Variants in UBAC2 observed in about 807,000 individuals in gnomAD.
UBAC2 encodes ubiquitin-associated domain-containing protein 2.
UBAC2 carries 26 observed loss-of-function variants against 44.0 expected under a neutral mutation model. The observed-to-expected ratio is 0.59, with a 90% CI of 0.43 to 0.82. UBAC2 has a LOEUF of 0.82. Among genes scored for constraint, UBAC2 ranks in the 40% least tolerant of loss-of-function variants. The probability of loss-of-function intolerance (pLI) is 0.00; values close to 1 mark genes in which losing one functional copy is unlikely to be tolerated. For missense variants in UBAC2, 329 were observed against 419.4 expected (o/e 0.78, Z 1.88); for synonymous variants, 155 against 154.3 (o/e 1.00, Z -0.04).
At chr13:99,340,998 T>G (rs577210888) in intron 7 of UBAC2, among the ~76,000 whole-genome samples, 111 of 150,066 alleles carry the variant, frequency 7.4e-4, no homozygotes, top group African/African-American at 2.6e-3. Flanking sequence ...CAAGAAGATT[T>G]TCAGTGGAAC....
chr13:99,228,368 A>G (rs1238946364), intron 1 of UBAC2, among the ~76,000 whole-genome samples: 1 of 151,020 alleles, frequency 6.6e-6, no homozygotes, highest in African/African-American at 2.4e-5. Flanking sequence ...GCTCACTGCA[A>G]CCTCCACCTC....
intron 6 of UBAC2, among the ~76,000 whole-genome samples, chr13:99,338,957 T>G (rs948262284): frequency 6.6e-6 from 1 of 152,216 alleles, no homozygotes; most frequent in Admixed American, 6.5e-5. Context: ...CCATAGAATA[T>G]TTGTGCACTC....
chr13:99,385,582 T>C lies in UBAC2; in HGVS notation c.*247T>C, dbSNP rs2045609807. ...TGGGCATTTTCCCTAGGTTGGAGAG[T>C]CAGCACTCGTTTTGAATGTGTTTAA... On this transcript the variant is annotated 3_prime_UTR_variant, in exon 9 of 9. Transcript: ENST00000403766. 6.2e-6 allele frequency: 3 copies of C among 481,960 alleles called. No homozygotes were observed. The allele number at this position is 481,960 out of a possible 1,614,324, so 29.9% of individuals were successfully genotyped here.
chr13:99,364,700 A>G (rs1426425221), intron 7 of UBAC2, among the ~76,000 whole-genome samples: 3 of 152,184 alleles, frequency 2.0e-5, no homozygotes, highest in African/African-American at 7.2e-5. Flanking sequence ...ATGCTATATA[A>G]TAATAGTCAT....
chr13:99,253,102 TATA>T (rs1256776246), intron 4 of UBAC2, among the ~76,000 whole-genome samples: 31 of 150,142 alleles, frequency 2.1e-4, no homozygotes, highest in Non-Finnish European at 3.3e-4. Context: ...TATATAAAGA[TATA>T]ATATCTATAA....
At chr13:99,233,037 G>T (rs967561593) in intron 1 of UBAC2, among the ~76,000 whole-genome samples, 3 of 152,116 alleles carry the variant, frequency 2.0e-5, no homozygotes, top group Non-Finnish European at 4.4e-5. Flanking sequence ...ATATTTTCTA[G>T]CTCTGATTAC....
At chr13:99,322,244 C>CT (rs2044577715) in intron 6 of UBAC2, among the ~76,000 whole-genome samples, 1 of 152,214 alleles carries the variant, frequency 6.6e-6, no homozygotes, top group Non-Finnish European at 1.5e-5. Context: ...TTTTCTTACA[C>CT]ATTAATACTT....
intron 7 of UBAC2, among the ~76,000 whole-genome samples, chr13:99,348,853 A>C (rs2045033273): frequency 6.6e-6 from 1 of 152,186 alleles, no homozygotes; most frequent in South Asian, 2.1e-4. Context: ...TCTACAAAAA[A>C]ATTTTTTAAA....
At chr13:99,242,657 A>C in intron 2 of UBAC2, among the ~76,000 whole-genome samples, 1 of 71,972 alleles carries the variant, frequency 1.4e-5, no homozygotes, top group African/African-American at 5.8e-5. Flanking sequence ...TCCCTCCCGG[A>C]CGGGGCGGCT....
chr13:99,209,772 G>A (rs1398648952), intron 1 of UBAC2, among the ~76,000 whole-genome samples: 1 of 152,174 alleles, frequency 6.6e-6, no homozygotes, highest in Non-Finnish European at 1.5e-5. Context: ...CCAGGAGTTC[G>A]AGACCAGCCT....
rs114619148 is a variant in UBAC2 at position 99,318,853 on chromosome 13, G to T, written c.561+784G>T. On this transcript the variant is annotated intron_variant, in intron 6 of 8. Transcript: ENST00000403766. The stretch of plus-strand genomic sequence containing the variant: ...AAAAAAAAAAAAAAGGCCAGTCACA[G>T]GGAAAATTGAGACAAAGGAGGCCAG... 8.0e-3 allele frequency among the ~76,000 whole-genome samples: 1,204 copies of T among 149,672 alleles called. 15 individuals are homozygous for T. The highest frequency in any genetic ancestry group is 0.029 in the African/African-American group (1,167 of 40,636).
chr13:99,301,622 A>T (rs1427668739), intron 4 of UBAC2, among the ~76,000 whole-genome samples: 3 of 152,144 alleles, frequency 2.0e-5, no homozygotes, highest in African/African-American at 7.2e-5. Flanking sequence ...ATGAACTGAC[A>T]GGTTCTTTCT....
chr13:99,279,692 G>T (rs921631995), intron 4 of UBAC2, among the ~76,000 whole-genome samples: 4 of 152,194 alleles, frequency 2.6e-5, no homozygotes, highest in African/African-American at 9.7e-5. Flanking sequence ...CAGTTCTGGA[G>T]GCTGAGAAGT....
chr13:99,267,437 G>A (rs183870312), intron 4 of UBAC2, among the ~76,000 whole-genome samples: 1 of 152,284 alleles, frequency 6.6e-6, no homozygotes, highest in African/African-American at 2.4e-5. Context: ...TAAATGGTGA[G>A]GGGAAGGGAG....
chr13:99,238,556 T>C lies in UBAC2; in HGVS notation c.159+2T>C. The stretch of plus-strand genomic sequence containing the variant: ...CACGCAGTCAAGAACGACTTCCAGG[T>C]AAGCTCTGCCTCATTGGCCCCTGAG... On this transcript the variant is annotated splice_donor_variant, in intron 2 of 8. Transcript: ENST00000403766. LOFTEE classifies it high-confidence loss of function. 1 of 1,605,508 alleles carries C rather than the reference T, an allele frequency of 6.2e-7. No homozygotes were observed. The highest frequency in any genetic ancestry group is 8.5e-7 in the Non-Finnish European group (1 of 1,175,432).
intron 6 of UBAC2, among the ~76,000 whole-genome samples, chr13:99,338,039 C>CTTTTTTCTTTTTCTTT (rs1566509471): frequency 3.3e-5 from 3 of 91,562 alleles, no homozygotes; most frequent in Non-Finnish European, 3.9e-5. Flanking sequence ...AACTTTTTTT[C>CTTTTTTCTTTTTCTTT]TTTTTTTCTT....
chr13:99,319,011 A>G lies in UBAC2; in HGVS notation c.561+942A>G, dbSNP rs555546556. On this transcript the variant is annotated intron_variant, in intron 6 of 8. Transcript: ENST00000403766. ...AAAAATAAGGAGAGATAGTCTGCTC[A>G]TTTTGTAAAAAGACATTGTCACACG... Among the ~76,000 whole-genome samples, 175 of 152,176 alleles carry G rather than the reference A, an allele frequency of 1.1e-3. 1 individual carries two copies. Among genetic ancestry groups the G allele is most frequent in the African/African-American group, 4.0e-3 (165 of 41,538 alleles).
At chr13:99,348,707 G>A (rs77372753) in intron 7 of UBAC2, among the ~76,000 whole-genome samples, 1,638 of 152,330 alleles carry the variant, frequency 0.011, 70 homozygotes, top group East Asian at 0.071. Flanking sequence ...TAATATGAAC[G>A]TTGTCTGAAG....
chr13:99,330,051 G>A (rs887230988), intron 6 of UBAC2, among the ~76,000 whole-genome samples: 18 of 152,072 alleles, frequency 1.2e-4, no homozygotes, highest in African/African-American at 4.3e-4. Flanking sequence ...TCAATGTACA[G>A]GTCTTGCACA....
Sources: gnomAD v4.1 joint callset for allele counts (sites outside exome capture counted in the v4.1 genomes callset) on GRCh38, gnomAD v4.1.1 for gene constraint, MANE v1.5 for transcripts, NCBI Gene and HGNC (gene_info 2026-07-23, HGNC 2026-07-21) for gene names.